Variants in PTPRN2 observed in about 807,000 individuals in gnomAD.
The protein encoded by PTPRN2 is protein tyrosine phosphatase receptor type N2.
In PTPRN2, 74 loss-of-function variants were observed where a neutral mutation model predicts 118.8. That is an observed-to-expected ratio of 0.62 (90% confidence interval 0.52 to 0.76). The LOEUF (loss-of-function observed/expected upper bound fraction) is 0.76. Ranked by LOEUF, PTPRN2 falls within the 30% of genes least tolerant of loss-of-function variation. The pLI is 0.00. For synonymous variants in PTPRN2, 641 were observed against 608.0 expected (o/e 1.05, Z -0.80); for missense variants, 1,481 against 1,394.4 (o/e 1.06, Z -0.99).
At chr7:158,149,598 T>A (rs1337219444) in intron 6 of PTPRN2, among the ~76,000 whole-genome samples, 4 of 151,674 alleles carry the variant, frequency 2.6e-5, no homozygotes, top group Admixed American at 2.0e-4. Flanking sequence ...AGGTCAGGAG[T>A]TCGAGACCAG....
chr7:158,163,931 C>A (rs1018786027), intron 6 of PTPRN2, among the ~76,000 whole-genome samples: 1 of 152,238 alleles, frequency 6.6e-6, no homozygotes, highest in African/African-American at 2.4e-5. Context: ...GCATGGGGTT[C>A]TCAATTCTCT....
chr7:158,151,106 C>CCACTCT lies in PTPRN2; in HGVS notation c.911-12592_911-12591insAGAGTG, dbSNP rs1189908728. ...CTGCCTGCCCAAACCGCCCGCCTTT[C>CCACTCT]TGCTCCTACCCCTGCCCACACCGCC... On this transcript the variant is annotated intron_variant, in intron 6 of 22. Coordinates refer to ENST00000389418, the MANE Select transcript of PTPRN2 (RefSeq NM_002847.5). Among the ~76,000 whole-genome samples the CCACTCT allele has an allele frequency of 8.7e-3, 92 of 10,516 alleles. 13 individuals carry two copies. Among genetic ancestry groups the CCACTCT allele is most frequent in the African/African-American group, 0.027 (88 of 3,320 alleles). The allele number at this position is 10,516 out of a possible 152,430, so 6.9% of individuals were successfully genotyped here.
chr7:158,142,555 G>A (rs1819489763), intron 6 of PTPRN2, among the ~76,000 whole-genome samples: 1 of 151,508 alleles, frequency 6.6e-6, no homozygotes, highest in Non-Finnish European at 1.5e-5. Context: ...TGGCATGGAG[G>A]CCGCGTACTC....
At chr7:157,637,947 G>A (rs969575985) in intron 14 of PTPRN2, among the ~76,000 whole-genome samples, 1 of 152,240 alleles carries the variant, frequency 6.6e-6, no homozygotes, top group African/African-American at 2.4e-5. Flanking sequence ...AGACATGCAT[G>A]TCTTCTTCCA....
chr7:157,673,856 A>G (rs1041946932), intron 13 of PTPRN2, among the ~76,000 whole-genome samples: 3 of 151,628 alleles, frequency 2.0e-5, no homozygotes, highest in Admixed American at 6.6e-5. Context: ...CTAGGGTCAC[A>G]GTGTTGTCTG....
At chr7:157,728,480 G>A (rs1360001202) in intron 12 of PTPRN2, among the ~76,000 whole-genome samples, 1 of 152,214 alleles carries the variant, frequency 6.6e-6, no homozygotes, top group Non-Finnish European at 1.5e-5. Context: ...GCATCCCGGG[G>A]CCCTTGGCTC....
intron 2 of PTPRN2, among the ~76,000 whole-genome samples, chr7:158,456,924 C>T (rs897723297): frequency 6.6e-6 from 1 of 152,160 alleles, no homozygotes; most frequent in Non-Finnish European, 1.5e-5. Flanking sequence ...CCACAACTCA[C>T]CCACATGAGG....
chr7:157,573,441 C>T (rs1016518844), intron 19 of PTPRN2, among the ~76,000 whole-genome samples: 18 of 152,248 alleles, frequency 1.2e-4, no homozygotes, highest in South Asian at 2.1e-4. Flanking sequence ...GTCCACTCTA[C>T]GCAGAGACTA....
rs116894029 is a variant in PTPRN2, at chr7:157,737,350, G to T, written c.1789-54413C>A. Among the ~76,000 whole-genome samples the T allele has an allele frequency of 8.3e-3, 1,271 of 152,336 alleles. 8 individuals carry two copies. The highest frequency in any genetic ancestry group is 0.011 in the Non-Finnish European group (762 of 68,020). ...GTGGTTTGGAGGCTCTGTTCGCTGA[G>T]CCTCAGCACGACCTCAACCTGATCT... On this transcript the variant is annotated intron_variant, in intron 12 of 22. Coordinates refer to ENST00000389418, the MANE Select transcript of PTPRN2 (RefSeq NM_002847.5).
intron 11 of PTPRN2, among the ~76,000 whole-genome samples, chr7:157,951,451 G>A (rs968945875): frequency 2.0e-5 from 3 of 152,052 alleles, no homozygotes; most frequent in Non-Finnish European, 4.4e-5. Flanking sequence ...TTCAGTCCCC[G>A]GAGGCGCTGC....
At chr7:157,774,791 G>A (rs1214580979) in intron 12 of PTPRN2, among the ~76,000 whole-genome samples, 1 of 152,130 alleles carries the variant, frequency 6.6e-6, no homozygotes, top group Non-Finnish European at 1.5e-5. Context: ...CAAGATGAGG[G>A]GACCAGTCCG....
chr7:157,643,786 G>A (rs1239512892), intron 14 of PTPRN2, among the ~76,000 whole-genome samples: 1 of 152,208 alleles, frequency 6.6e-6, no homozygotes, highest in Non-Finnish European at 1.5e-5. Flanking sequence ...AGAAAGTGGT[G>A]GTGTCTAAAG....
intron 1 of PTPRN2, among the ~76,000 whole-genome samples, chr7:158,524,496 T>A (rs1361046573): frequency 1.6e-5 from 2 of 121,888 alleles, no homozygotes; most frequent in African/African-American, 6.3e-5. Context: ...GAGTCTGCCC[T>A]GGAGTGGAGT....
intron 12 of PTPRN2, among the ~76,000 whole-genome samples, chr7:157,765,688 ATACC>A (rs1802417402): frequency 8.7e-6 from 1 of 115,560 alleles, no homozygotes; most frequent in African/African-American, 3.4e-5. Context: ...ATCCACCCAC[ATACC>A]CATCCACCCA....
rs1466459318 is a variant in PTPRN2, at chr7:157,801,028, TATACACATATATATACAC to T, written c.1788+97627_1788+97644del. On this transcript the variant is annotated intron_variant, in intron 12 of 22. Transcript: ENST00000389418. This position sits in a 1 kb window ranked among gnomAD's most constrained non-coding sequence, Gnocchi z 4.2. ...ACATATACATATACACACACATATA[TATACACATATATATACAC>T]ATATATACACATATATATACACATA... Among the ~76,000 whole-genome samples the T allele has an allele frequency of 2.7e-5, 4 of 147,798 alleles. No homozygotes were observed. Among genetic ancestry groups the T allele is most frequent in the African/African-American group, 1.0e-4 (4 of 39,874 alleles).
intron 11 of PTPRN2, among the ~76,000 whole-genome samples, chr7:157,962,749 G>A (rs1162968641): frequency 6.6e-6 from 1 of 152,156 alleles, no homozygotes; most frequent in Non-Finnish European, 1.5e-5. Context: ...ACATGGGGAG[G>A]TTCAAAGTGA....
At chr7:157,923,239 G>T (rs1334967357) in intron 11 of PTPRN2, among the ~76,000 whole-genome samples, 1 of 152,224 alleles carries the variant, frequency 6.6e-6, no homozygotes, top group Non-Finnish European at 1.5e-5. Flanking sequence ...GTCACCAGAA[G>T]CTTTTCCTAT....
chr7:158,281,943 C>T (rs1799455994), intron 3 of PTPRN2, among the ~76,000 whole-genome samples: 1 of 152,234 alleles, frequency 6.6e-6, no homozygotes, highest in Admixed American at 6.5e-5. Context: ...TTTCTCCTTC[C>T]AGAGGCTCCC....
At chr7:157,790,062 A>G (rs1168236945) in intron 12 of PTPRN2, among the ~76,000 whole-genome samples, 8 of 40,362 alleles carry the variant, frequency 2.0e-4, no homozygotes, top group Admixed American at 3.3e-4. Context: ...GTGTGGTGTG[A>G]ATGTGTGGTG....
Sources: allele counts gnomAD v4.1 joint callset (sites outside exome capture counted in the v4.1 genomes callset), GRCh38; gene constraint gnomAD v4.1.1; non-coding constraint Gnocchi (gnomAD v3.1); transcripts MANE v1.5; gene names NCBI Gene and HGNC (gene_info 2026-07-23, HGNC 2026-07-21).